Variants in MAPK8IP3 observed in about 807,000 individuals in gnomAD.
MAPK8IP3 encodes C-Jun-amino-terminal kinase-interacting protein 3.
Under a neutral mutation model 157.8 loss-of-function variants are expected in MAPK8IP3, and 49 were observed. The ratio of observed to expected loss-of-function variants is 0.31; its 90% CI spans 0.25 to 0.39. The LOEUF (loss-of-function observed/expected upper bound fraction) is 0.39. Among genes scored for constraint, MAPK8IP3 ranks in the 10% least tolerant of loss-of-function variants. The pLI is 1.00. For synonymous variants in MAPK8IP3, 897 were observed against 777.7 expected (o/e 1.15, Z -2.55); for missense variants, 1,478 against 1,889.4 (o/e 0.78, Z 4.04).
In MAPK8IP3 at chr16:1,742,295, A is replaced by G. The variant is rs970818660; in HGVS notation, c.603-1037A>G. On this transcript the variant is annotated intron_variant, in intron 4 of 31. Coordinates refer to ENST00000610761, the MANE Select transcript of MAPK8IP3 (RefSeq NM_001318852.2). This position sits in a 1 kb window ranked among gnomAD's most constrained non-coding sequence, Gnocchi z 5.0. ...ATCCCTGCTCTTGCTTATGGCCCAC[A>G]GGAGGTCATCCCTAGGGACTGAGCC... is the stretch of plus-strand genomic sequence containing the variant. Among the ~76,000 whole-genome samples, 4 of 152,134 alleles carry G rather than the reference A, an allele frequency of 2.6e-5. No individual in the cohort carries two copies. Among genetic ancestry groups the G allele is most frequent in the African/African-American group, 7.2e-5 (3 of 41,422 alleles).
rs2041871744 is a variant in MAPK8IP3, at chr16:1,760,521, G to A, written c.1446G>A (p.Glu482=). ...KLENRIKELE[E]ELKRVKSEAI... is the part of the protein sequence containing the mutation. Reference sequence around the variant, plus strand: ...AAAACCGTATCAAGGAGCTGGAAGAGGAACTGAAAAGGTGAGGGCAGGGCA... The same window carrying A: ...AAAACCGTATCAAGGAGCTGGAAGAAGAACTGAAAAGGTGAGGGCAGGGCA... Residue 482 remains glutamate, a synonymous_variant, in exon 12 of 32, where the codon GAG becomes GAA. Transcript: ENST00000610761. The A allele has an allele frequency of 6.2e-7, 1 of 1,612,986 alleles. No individual in the cohort carries two copies. Among genetic ancestry groups the A allele is most frequent in the African/African-American group, 1.3e-5 (1 of 74,934 alleles).
chr16:1,767,570 T>C lies in MAPK8IP3; in HGVS notation c.3244T>C (p.Phe1082Leu). Residue 1082 changes from phenylalanine to leucine, a missense_variant, in exon 27 of 32, where the codon TTT becomes CTT. By Grantham distance (22) the Phe-to-Leu change is conservative (BLOSUM62 0). Around this residue, in one of 11 missense-constraint regions of MAPK8IP3, gnomAD observed 669 missense variants for 759.8 expected, o/e 0.88. Coordinates refer to ENST00000610761, the MANE Select transcript of MAPK8IP3 (RefSeq NM_001318852.2). Reference sequence around the variant, plus strand: ...GGCAGCCATGACTCCACAGAAGTCATTTGACGCCCACCCGCGGCGGGAGAG... The same window carrying C: ...GGCAGCCATGACTCCACAGAAGTCACTTGACGCCCACCCGCGGCGGGAGAG... ...QPKTMQIEKS[F>L]DAHPRRESQV... 6.2e-7 allele frequency: 1 copy of C among 1,611,670 alleles called. No individual in the cohort carries two copies. Among genetic ancestry groups the C allele is most frequent in the Non-Finnish European group, 8.5e-7 (1 of 1,179,530 alleles).
rs769825901 is a variant in MAPK8IP3, at chr16:1,761,272, G to A, written c.1506G>A (p.Ala502=). The change falls in exon 13 of 32, where the codon GCG becomes GCA. Residue 502 remains alanine (A), a synonymous_variant. Coordinates refer to ENST00000610761, the MANE Select transcript of MAPK8IP3 (RefSeq NM_001318852.2). ...CCCGCCGTGAACCCAAAGAAGAGGC[G>A]GAGGATGTAAGCAGCTATCTCTGTA... ...IIARREPKEE[A]EDVSSYLCTE... The A allele has an allele frequency of 3.7e-5, 59 of 1,613,718 alleles. No individual in the cohort carries two copies. Among genetic ancestry groups the A allele is most frequent in the East Asian group, 1.3e-4 (6 of 44,886 alleles).
chr16:1,714,313 C>T (rs2142286143), intron 1 of MAPK8IP3: 1 of 146,336 alleles, frequency 6.8e-6, no homozygotes, highest in African/African-American at 2.8e-5. Flanking sequence ...GCAGTGAAAC[C>T]CAGAGACTAG....
At chr16:1,748,572 C>T (rs1300343064) in intron 7 of MAPK8IP3, 30 bp from the exon 8 acceptor site, 1 of 1,573,084 alleles carries the variant, frequency 6.4e-7, no homozygotes, top group Non-Finnish European at 8.7e-7. Context: ...ACTGACTCTG[C>T]TCTCTCTCCC....
At position 1,748,596 on chromosome 16, in the gene MAPK8IP3, CA is replaced by C. The variant is rs2041110941; in HGVS notation, c.1098-4del. On this transcript the variant is annotated splice_polypyrimidine_tract_variant and splice_region_variant and intron_variant, in intron 7 of 31. Coordinates refer to ENST00000610761, the MANE Select transcript of MAPK8IP3 (RefSeq NM_001318852.2). The stretch of plus-strand genomic sequence containing the variant: ...GCTCTCTCTCCCGACCTGTGGATCC[CA>C]ACAGCCCAACCCAGGGCATCGTGAA... 3 of 1,610,388 alleles carry C rather than the reference CA, an allele frequency of 1.9e-6. No individual in the cohort carries two copies. In the Admixed American group the frequency reaches 5.0e-5, roughly 27 times the overall value.
chr16:1,758,245 C>T (rs1480894144), intron 9 of MAPK8IP3, 86 bp downstream of exon 9: 12 of 1,528,192 alleles, frequency 7.9e-6, no homozygotes, highest in Middle Eastern at 1.9e-4. Flanking sequence ...ATCCCGTCAC[C>T]GTGGCTGTGT....
At chr16:1,708,480 G>A (rs2037542604) in intron 1 of MAPK8IP3, among the ~76,000 whole-genome samples, 1 of 152,216 alleles carries the variant, frequency 6.6e-6, no homozygotes, top group African/African-American at 2.4e-5. Flanking sequence ...GGAACTGAAA[G>A]GAGAAAATCA....
chr16:1,766,118 A>G lies in MAPK8IP3; in HGVS notation c.2605A>G (p.Thr869Ala). The G allele has an allele frequency of 6.2e-7, 1 of 1,612,060 alleles. No individual in the cohort carries two copies. ...GAGCAACTGCTCCTCCCGAGGGGACACCCCAGTGCTAGACAAGGGGCAGGG... is the reference window on the plus strand; with the variant it reads ...GAGCAACTGCTCCTCCCGAGGGGACGCCCCAGTGCTAGACAAGGGGCAGGG... ...PRSNCSSRGD[T>A]PVLDKGQGEV... is the part of the protein sequence containing the mutation. The change falls in exon 21 of 32, where the codon ACC becomes GCC. Residue 869 changes from threonine to alanine, a missense_variant. This residue lies in a region of MAPK8IP3 where 669 missense variants were observed against 759.8 expected (regional missense o/e 0.88). Coordinates refer to ENST00000610761, the MANE Select transcript of MAPK8IP3 (RefSeq NM_001318852.2).
chr16:1,763,704 G>A lies in MAPK8IP3; in HGVS notation c.1946G>A (p.Arg649His). The change falls in exon 17 of 32, where the codon CGC becomes CAC. Residue 649 changes from arginine (R) to histidine (H), a missense_variant. Transcript: ENST00000610761. ...CGAGAGCAGAAGCGCGAGCAGTACC[G>A]CCAGGTGCGTGAGCACGTGCGTAAC... is the stretch of plus-strand genomic sequence containing the variant. ...ARREQKREQY[R>H]QVREHVRNDD... 6.3e-7 allele frequency: 1 copy of A among 1,596,540 alleles called. No homozygotes were observed. The highest frequency in any genetic ancestry group is 8.5e-7 in the Non-Finnish European group (1 of 1,170,840).
At chr16:1,750,923 C>T (rs755546153) in intron 8 of MAPK8IP3, among the ~76,000 whole-genome samples, 2 of 151,886 alleles carry the variant, frequency 1.3e-5, no homozygotes, top group Non-Finnish European at 1.5e-5. Context: ...GGATTACAGG[C>T]GTGAGCCACC....
chr16:1,706,265 G>A lies in MAPK8IP3; in HGVS notation c.-75G>A. 1 of 1,356,766 alleles carries A rather than the reference G, an allele frequency of 7.4e-7. No homozygotes were observed. The highest frequency in any genetic ancestry group is 9.6e-7 in the Non-Finnish European group (1 of 1,041,402). The allele number at this position is 1,356,766 out of a possible 1,614,324, so 84.0% of individuals were successfully genotyped here. On this transcript the variant is annotated 5_prime_UTR_variant, in exon 1 of 32. Coordinates refer to ENST00000610761, the MANE Select transcript of MAPK8IP3 (RefSeq NM_001318852.2). The surrounding 1 kb of genome is among the most constrained non-coding windows in gnomAD (Gnocchi z 5.1). ...CGGGAGGCGACGGGCTGCGGCCTGCGGAACCTGAGGCAGCTGGGGAGGGCC... is the reference window on the plus strand; with the variant it reads ...CGGGAGGCGACGGGCTGCGGCCTGCAGAACCTGAGGCAGCTGGGGAGGGCC...
intron 19 of MAPK8IP3, among the ~76,000 whole-genome samples, 191 bp from the exon 20 acceptor site, chr16:1,764,822 A>C (rs1474235654): frequency 6.6e-6 from 1 of 152,134 alleles, no homozygotes; most frequent in Admixed American, 6.5e-5. Flanking sequence ...GTGGAGGCGA[A>C]ACCGTGTCTG....
chr16:1,738,006 C>G (rs2040166808), intron 4 of MAPK8IP3, among the ~76,000 whole-genome samples: 1 of 61,654 alleles, frequency 1.6e-5, no homozygotes, highest in Non-Finnish European at 3.0e-5. Flanking sequence ...ATGTGAGCAT[C>G]TGTGTGACCG....
rs2042543336 is a variant in MAPK8IP3 at position 1,770,298 on chromosome 16, A to G, written c.*1474A>G. 1 of 242,252 alleles carries G rather than the reference A, an allele frequency of 4.1e-6. No homozygotes were observed. The highest frequency in any genetic ancestry group is 8.0e-6 in the Non-Finnish European group (1 of 125,370). 15.0% of individuals were successfully genotyped at this position (242,252 alleles called of 1,614,324 possible). A position where few individuals can be genotyped will look rare whatever the true frequency, so the allele number is the denominator to read the frequency against. ...AACCCACATATCTGCTCTGTATGTA[A>G]TAAATGTCTTAACGTCGTAGCTGCC... On this transcript the variant is annotated 3_prime_UTR_variant, in exon 32 of 32. Coordinates refer to ENST00000610761, the MANE Select transcript of MAPK8IP3 (RefSeq NM_001318852.2).
chr16:1,707,628 T>C (rs1197431403), intron 1 of MAPK8IP3: 1 of 152,252 alleles, frequency 6.6e-6, no homozygotes, highest in Non-Finnish European at 1.5e-5. Context: ...CCTCGCCCTT[T>C]GTCAGAAACA....
At chr16:1,737,157 CGTGT>C (rs1305232687) in intron 4 of MAPK8IP3, among the ~76,000 whole-genome samples, 4 of 66,228 alleles carry the variant, frequency 6.0e-5, no homozygotes, top group Admixed American at 2.1e-4. Flanking sequence ...CGTGACCGTC[CGTGT>C]GAGCATCCGT....
At chr16:1,733,503 C>T (rs1001409044) in intron 4 of MAPK8IP3, among the ~76,000 whole-genome samples, 33 of 152,332 alleles carry the variant, frequency 2.2e-4, no homozygotes, top group African/African-American at 4.6e-4. Flanking sequence ...CGCGTGGCTG[C>T]GGGGCAAGGA....
intron 1 of MAPK8IP3, among the ~76,000 whole-genome samples, chr16:1,714,482 G>A (rs1026155280): frequency 6.6e-6 from 1 of 152,214 alleles, no homozygotes; most frequent in Admixed American, 6.5e-5. Context: ...TCCTCCGTGT[G>A]GTGCGTTTCT....
Sources: gnomAD v4.1 joint callset for allele counts (sites outside exome capture counted in the v4.1 genomes callset) on GRCh38, gnomAD v4.1.1 for gene constraint, gnomAD v4.1.1 regional missense constraint, Gnocchi (gnomAD v3.1) non-coding constraint, MANE v1.5 for transcripts, NCBI Gene and HGNC (gene_info 2026-07-23, HGNC 2026-07-21) for gene names.